Variants in LDLRAD3 observed in about 807,000 individuals in gnomAD.
The protein encoded by LDLRAD3 is low-density lipoprotein receptor class A domain-containing protein 3.
Under a neutral mutation model 29.4 loss-of-function variants are expected in LDLRAD3, and 20 were observed. The observed-to-expected ratio is 0.68, with a 90% CI of 0.48 to 0.99. LDLRAD3 has a LOEUF of 0.99. LDLRAD3 is among the 50% of genes least tolerant of loss of function. The probability of loss-of-function intolerance (pLI) is 0.00; values close to 1 mark genes in which losing one functional copy is unlikely to be tolerated. For synonymous variants in LDLRAD3, 157 were observed against 192.7 expected, an observed-to-expected ratio of 0.81 and a Z score of 1.53; for missense variants, 420 against 454.3, an observed-to-expected ratio of 0.92 and a Z score of 0.69.
chr11:36,130,771 C>T (rs1269118313), intron 4 of LDLRAD3, among the ~76,000 whole-genome samples: 1 of 152,166 alleles, frequency 6.6e-6, no homozygotes, highest in Non-Finnish European at 1.5e-5. Flanking sequence ...ATCATCCCCA[C>T]TTGGCAGTGG....
intron 1 of LDLRAD3, among the ~76,000 whole-genome samples, chr11:36,014,709 G>T (rs1174539565): frequency 6.6e-6 from 1 of 152,170 alleles, no homozygotes; most frequent in Non-Finnish European, 1.5e-5. Flanking sequence ...CAGAAAAGAG[G>T]AAGAAAGCCA....
intron 1 of LDLRAD3, among the ~76,000 whole-genome samples, chr11:35,991,895 G>A (rs1161525611): frequency 2.6e-5 from 4 of 151,928 alleles, no homozygotes; most frequent in Non-Finnish European, 4.4e-5. Context: ...GTGTGTGTGT[G>A]TGTGTGTGTA....
chr11:36,198,242 A>T (rs1468622588), intron 4 of LDLRAD3, among the ~76,000 whole-genome samples: 1 of 148,026 alleles, frequency 6.8e-6, no homozygotes, highest in Non-Finnish European at 1.5e-5. Context: ...TCAATACAAG[A>T]TCATTAACTC....
intron 2 of LDLRAD3, among the ~76,000 whole-genome samples, chr11:36,053,574 A>G (rs1488315238): frequency 6.6e-6 from 1 of 152,216 alleles, no homozygotes; most frequent in Non-Finnish European, 1.5e-5. Context: ...TGCTTGGTAC[A>G]GTGCCTGGTA....
chr11:36,138,548 A>G (rs1854035412), intron 4 of LDLRAD3, among the ~76,000 whole-genome samples: 5 of 152,168 alleles, frequency 3.3e-5, no homozygotes, highest in Admixed American at 3.3e-4. Context: ...AGCAACACCC[A>G]TTATCTCATG....
chr11:36,146,226 C>G (rs1338367212), intron 4 of LDLRAD3, among the ~76,000 whole-genome samples: 4 of 152,208 alleles, frequency 2.6e-5, no homozygotes, highest in Non-Finnish European at 5.9e-5. Context: ...ACCCTGTGCA[C>G]TTACCTCCCT....
chr11:36,092,309 A>AT (rs1308859345), intron 3 of LDLRAD3, among the ~76,000 whole-genome samples: 1 of 152,002 alleles, frequency 6.6e-6, no homozygotes, highest in Non-Finnish European at 1.5e-5. Context: ...TTTTATCTTT[A>AT]TTTTTTAAAT....
intron 1 of LDLRAD3, among the ~76,000 whole-genome samples, chr11:36,021,447 A>C (rs953159610): frequency 2.0e-5 from 3 of 152,080 alleles, no homozygotes; most frequent in African/African-American, 7.2e-5. Flanking sequence ...AAGGGAATGG[A>C]GTTTCAGAAG....
chr11:36,033,162 C>T (rs963059014), intron 1 of LDLRAD3, among the ~76,000 whole-genome samples: 2 of 152,170 alleles, frequency 1.3e-5, no homozygotes, highest in African/African-American at 2.4e-5. Flanking sequence ...TGTGAGCTAC[C>T]GTTACCGGCC....
At chr11:36,127,523 G>A (rs537696307) in intron 4 of LDLRAD3, among the ~76,000 whole-genome samples, 2 of 152,142 alleles carry the variant, frequency 1.3e-5, no homozygotes, top group African/African-American at 4.8e-5. Flanking sequence ...GAACAGGATT[G>A]GAACATAGTA....
intron 4 of LDLRAD3, among the ~76,000 whole-genome samples, chr11:36,201,616 A>G (rs1855127899): frequency 6.6e-6 from 1 of 152,220 alleles, no homozygotes. Context: ...GGATTTTTTC[A>G]CTTCCATAAT....
intron 2 of LDLRAD3, among the ~76,000 whole-genome samples, chr11:36,049,787 A>G (rs899013014): frequency 6.6e-6 from 1 of 152,206 alleles, no homozygotes; most frequent in African/African-American, 2.4e-5. Flanking sequence ...CTCCCCTGAA[A>G]AGGCATCACT....
intron 4 of LDLRAD3, among the ~76,000 whole-genome samples, chr11:36,157,258 G>A (rs974353538): frequency 6.6e-6 from 1 of 151,988 alleles, no homozygotes; most frequent in Non-Finnish European, 1.5e-5. Flanking sequence ...GCCTTTAAAC[G>A]GGAACATTAA....
chr11:36,175,014 C>T (rs909005411), intron 4 of LDLRAD3, among the ~76,000 whole-genome samples: 2 of 151,782 alleles, frequency 1.3e-5, no homozygotes, highest in African/African-American at 2.4e-5. Context: ...AAAAGAATGG[C>T]GATCATTAAA....
At chr11:36,091,609 T>A (rs1433228857) in intron 3 of LDLRAD3, among the ~76,000 whole-genome samples, 1 of 152,122 alleles carries the variant, frequency 6.6e-6, no homozygotes, top group Non-Finnish European at 1.5e-5. Context: ...CTTTTGAGCC[T>A]ATGGTTCAGT....
At position 36,191,263 on chromosome 11, in the gene LDLRAD3, G is replaced by A. The variant is rs549809136; in HGVS notation, c.455-35822G>A. Among the ~76,000 whole-genome samples the A allele has an allele frequency of 5.3e-5, 8 of 152,210 alleles. No individual in the cohort carries two copies. In the South Asian group the frequency reaches 1.5e-3, roughly 28 times the overall value. ...AGAACTTGATAGGCCAAGTAGTATG[G>A]TGGCTCACTCAGGCCTGTAATCCCA... On this transcript the variant is annotated intron_variant, in intron 4 of 5. Transcript: ENST00000315571.
At chr11:36,215,953 CT>C (rs1163048779) in intron 4 of LDLRAD3, among the ~76,000 whole-genome samples, 1 of 152,202 alleles carries the variant, frequency 6.6e-6, no homozygotes, top group Non-Finnish European at 1.5e-5. Flanking sequence ...CTTTGGACTC[CT>C]TGTGAATTTC....
At chr11:36,160,520 G>A (rs1309322163) in intron 4 of LDLRAD3, among the ~76,000 whole-genome samples, 1 of 152,066 alleles carries the variant, frequency 6.6e-6, no homozygotes, top group Non-Finnish European at 1.5e-5. Context: ...GTTCCTGGGA[G>A]TTTATCTTTC....
intron 1 of LDLRAD3, among the ~76,000 whole-genome samples, chr11:35,993,279 C>T (rs1260588179): frequency 6.6e-6 from 1 of 152,122 alleles, no homozygotes; most frequent in East Asian, 1.9e-4. Flanking sequence ...TTATAAATAC[C>T]TTCACCTATA....
Sources: gnomAD v4.1 joint callset for allele counts (sites outside exome capture counted in the v4.1 genomes callset) on GRCh38, gnomAD v4.1.1 for gene constraint, MANE v1.5 for transcripts, NCBI Gene and HGNC (gene_info 2026-07-23, HGNC 2026-07-21) for gene names.